The following SIAH3 variants were observed in gnomAD, a reference collection of about 807,000 sequenced individuals.
SIAH3 encodes the protein siah E3 ubiquitin protein ligase family member 3.
A neutral mutation model predicts 12.6 loss-of-function variants in SIAH3; 9 were observed. That is an observed-to-expected ratio of 0.72 (90% CI 0.43 to 1.25). The LOEUF (loss-of-function observed/expected upper bound fraction) is 1.25. SIAH3 is among the 50% of genes most tolerant of loss of function. The probability of loss-of-function intolerance (pLI) is 0.00; values close to 1 mark genes in which losing one functional copy is unlikely to be tolerated. For missense variants in SIAH3, 390 were observed against 365.4 expected (o/e 1.07, Z -0.55); for synonymous variants, 154 against 151.1 (o/e 1.02, Z -0.14).
chr13:45,808,276 C>T (rs34106053), intron 1 of SIAH3, among the ~76,000 whole-genome samples: 49,143 of 151,892 alleles, frequency 0.32, 8,840 homozygotes, highest in Non-Finnish European at 0.41. Context: ...TTGTGTTAAA[C>T]AGCACAAAAA....
chr13:45,846,642 C>T lies in SIAH3; in HGVS notation c.135+4853G>A, dbSNP rs149383481. Among the ~76,000 whole-genome samples the T allele has an allele frequency of 2.4e-3, 369 of 152,316 alleles. 3 individuals carry two copies. Among genetic ancestry groups the T allele is most frequent in the African/African-American group, 6.7e-3 (280 of 41,582 alleles). ...CATCCAAGTAATTCAGACCTCTCTG[C>T]GGATTTCAAAGAAAGCTTTCCGTAT... is the stretch of plus-strand genomic sequence containing the variant. On this transcript the variant is annotated intron_variant, in intron 1 of 1. Coordinates refer to ENST00000400405, the MANE Select transcript of SIAH3 (RefSeq NM_198849.3).
At position 45,796,674 on chromosome 13, in the gene SIAH3, G is replaced by A. The variant is rs151285951; in HGVS notation, c.136-12617C>T. Among the ~76,000 whole-genome samples the A allele has an allele frequency of 5.5e-3, 839 of 152,334 alleles. 6 individuals carry two copies. The highest frequency in any genetic ancestry group is 0.017 in the South Asian group (81 of 4,826). On this transcript the variant is annotated intron_variant, in intron 1 of 1. Coordinates refer to ENST00000400405, the MANE Select transcript of SIAH3 (RefSeq NM_198849.3). ...GCTCCTCTCTGAGATTAGACTTGGC[G>A]GCTAAGGACCAACACTTGTGCTATG...
At chr13:45,805,874 C>T (rs1372477052) in intron 1 of SIAH3, among the ~76,000 whole-genome samples, 1 of 151,984 alleles carries the variant, frequency 6.6e-6, no homozygotes, top group East Asian at 1.9e-4. Context: ...CCTAATTCAA[C>T]AAGCAAAACC....
intron 1 of SIAH3, among the ~76,000 whole-genome samples, chr13:45,847,884 C>G (rs985986430): frequency 9.2e-5 from 14 of 152,140 alleles, no homozygotes; most frequent in Non-Finnish European, 1.9e-4. Flanking sequence ...AGACCGACCC[C>G]TAGCACTACA....
At chr13:45,818,955 A>G (rs1439273689) in intron 1 of SIAH3, among the ~76,000 whole-genome samples, 1 of 152,206 alleles carries the variant, frequency 6.6e-6, no homozygotes, top group Non-Finnish European at 1.5e-5. Flanking sequence ...AGGGGTATGG[A>G]GATGAATAAA....
intron 1 of SIAH3, among the ~76,000 whole-genome samples, chr13:45,811,330 G>A (rs1566091455): frequency 6.6e-6 from 1 of 152,198 alleles, no homozygotes; most frequent in Non-Finnish European, 1.5e-5. Flanking sequence ...TGAGGGCAAT[G>A]AATATTTCCT....
At position 45,783,915 on chromosome 13, in the gene SIAH3, TGGTGGTGAA is replaced by T; in HGVS notation, c.269_277del (p.Leu90_His92del). On this transcript the variant is annotated inframe_deletion, in exon 2 of 2. Transcript: ENST00000400405. Reference sequence around the variant, plus strand: ...CGGGTTGGCGTGCAGCCCCGCCTCCTGGTGGTGAAGGTGGTGGGGGTGGGCGTGGTGGCG... The same window carrying T: ...CGGGTTGGCGTGCAGCCCCGCCTCCTGGTGGTGGGGGTGGGCGTGGTGGCG... The T allele has an allele frequency of 6.2e-7, 1 of 1,610,552 alleles. No homozygotes were observed. Among genetic ancestry groups the T allele is most frequent in the Non-Finnish European group, 8.5e-7 (1 of 1,178,310 alleles).
At chr13:45,826,844 A>T (rs1173236225) in intron 1 of SIAH3, among the ~76,000 whole-genome samples, 6 of 152,084 alleles carry the variant, frequency 3.9e-5, no homozygotes, top group African/African-American at 1.4e-4. Flanking sequence ...CACCCCTCCA[A>T]CATTCTGGGG....
In SIAH3 at chr13:45,812,989, C is replaced by A. The variant is rs1013057785; in HGVS notation, c.136-28932G>T. ...GCCAGTGTATTGAAGCCCATCCAGG[C>A]CTTCTGGGCTCCCATCTGGATGGTA... On this transcript the variant is annotated intron_variant, in intron 1 of 1. Transcript: ENST00000400405. Among the ~76,000 whole-genome samples the A allele has an allele frequency of 1.3e-5, 2 of 152,356 alleles. 1 individual carries two copies. Among genetic ancestry groups the A allele is most frequent in the Admixed American group, 1.3e-4 (2 of 15,306 alleles).
rs112965114 is a variant in SIAH3, at chr13:45,820,046, C to T, written c.135+31449G>A. Among the ~76,000 whole-genome samples the T allele has an allele frequency of 4.2e-3, 642 of 152,298 alleles. 3 individuals carry two copies. Among genetic ancestry groups the T allele is most frequent in the Middle Eastern group, 6.8e-3 (2 of 294 alleles). On this transcript the variant is annotated intron_variant, in intron 1 of 1. Coordinates refer to ENST00000400405, the MANE Select transcript of SIAH3 (RefSeq NM_198849.3). ...GCAGGAGGAAGAAGGGCAAGAGAGC[C>T]GAATGCTGTGTGAAGCCTCCTTTAT...
chr13:45,826,460 A>AGTGCGTGGGTGG (rs1162256365), intron 1 of SIAH3, among the ~76,000 whole-genome samples: 3 of 7,516 alleles, frequency 4.0e-4, no homozygotes, highest in Non-Finnish European at 6.1e-4. Flanking sequence ...TGGATGGATG[A>AGTGCGTGGGTGG]ATGGATGGAT....
At chr13:45,800,455 A>G (rs1950577767) in intron 1 of SIAH3, among the ~76,000 whole-genome samples, 1 of 152,246 alleles carries the variant, frequency 6.6e-6, no homozygotes, top group South Asian at 2.1e-4. Context: ...AAAGAAAAAT[A>G]AAGTGTAGTT....
rs371894802 is a variant in SIAH3, at chr13:45,834,160, C to T, written c.135+17335G>A. On this transcript the variant is annotated intron_variant, in intron 1 of 1. Transcript: ENST00000400405. ...GTCATTACATTCCAAACAATTAATC[C>T]CTGAATGCCAATTTCTTACTAGAAT... 7.9e-5 allele frequency among the ~76,000 whole-genome samples: 12 copies of T among 152,266 alleles called. 1 individual carries two copies. The South Asian group carries it at 2.1e-3, about 26-fold the overall frequency.
chr13:45,805,052 C>T (rs1950594356), intron 1 of SIAH3, among the ~76,000 whole-genome samples: 1 of 150,510 alleles, frequency 6.6e-6, no homozygotes, highest in South Asian at 2.1e-4. Context: ...TGAAAGATCT[C>T]TACAAGGAGA....
chr13:45,809,113 A>G (rs1275367883), intron 1 of SIAH3, among the ~76,000 whole-genome samples: 1 of 152,216 alleles, frequency 6.6e-6, no homozygotes, highest in East Asian at 1.9e-4. Context: ...TGAAGTGGAC[A>G]TAAATCCTGA....
Position 45,804,755 on chromosome 13 carries a change from C to G in SIAH3, c.136-20698G>C, listed in dbSNP as rs967648304. On this transcript the variant is annotated intron_variant, in intron 1 of 1. Transcript: ENST00000400405. ...GAGAAGGAAATAAAAGGTATCCAAA[C>G]AGGAAAATAAGTAGTCCAAGTATCT... Among the ~76,000 whole-genome samples, 3 of 151,968 alleles carry G rather than the reference C, an allele frequency of 2.0e-5. No homozygotes were observed. In the South Asian group the frequency reaches 6.2e-4, roughly 32 times the overall value.
intron 1 of SIAH3, among the ~76,000 whole-genome samples, chr13:45,785,407 A>G (rs1225392898): frequency 1.3e-5 from 2 of 152,214 alleles, no homozygotes; most frequent in Non-Finnish European, 2.9e-5. Context: ...CCCAAAGTAC[A>G]GAGGGCAGGG....
intron 1 of SIAH3, among the ~76,000 whole-genome samples, chr13:45,814,522 C>T (rs189634923): frequency 3.9e-5 from 6 of 152,046 alleles, no homozygotes; most frequent in Non-Finnish European, 8.8e-5. Flanking sequence ...GATGAACAAA[C>T]GGAGCAGGTT....
intron 1 of SIAH3, among the ~76,000 whole-genome samples, chr13:45,843,196 A>G (rs1315645194): frequency 6.6e-6 from 1 of 151,994 alleles, no homozygotes; most frequent in African/African-American, 2.4e-5. Flanking sequence ...TAGACTGAGC[A>G]TCATCCCCCT....
Sources: allele counts gnomAD v4.1 joint callset (sites outside exome capture counted in the v4.1 genomes callset), GRCh38; gene constraint gnomAD v4.1.1; transcripts MANE v1.5; gene names NCBI Gene and HGNC (gene_info 2026-07-23, HGNC 2026-07-21).